PNLDC1: variants seen among roughly 807,000 people sequenced by gnomAD.
PNLDC1 encodes the protein PARN like ribonuclease domain containing exonuclease 1.
A neutral mutation model predicts 82.0 loss-of-function variants in PNLDC1; 70 were observed. The observed-to-expected ratio is 0.85, with a 90% CI of 0.70 to 1.04. The LOEUF (loss-of-function observed/expected upper bound fraction) is 1.04. Ranked by LOEUF, PNLDC1 falls within the 50% of genes least tolerant of loss-of-function variation. The pLI is 0.00. For synonymous variants in PNLDC1, 280 were observed against 249.3 expected (o/e 1.12, Z -1.16); for missense variants, 631 against 661.1 (o/e 0.95, Z 0.50).
chr6:159,807,282 G>A (rs1300787311), intron 7 of PNLDC1, among the ~76,000 whole-genome samples: 1 of 152,078 alleles, frequency 6.6e-6, no homozygotes, highest in African/African-American at 2.4e-5. Flanking sequence ...AGAGCTTGTT[G>A]GCCAGGTACA....
In PNLDC1 at chr6:159,813,593, G is replaced by C. The variant is rs13220869; in HGVS notation, c.940-8G>C. 0.6 allele frequency: 963,612 copies of C among 1,604,886 alleles called. 290,852 individuals are homozygous for C. Among genetic ancestry groups the C allele is most frequent in the Admixed American group, 0.7 (42,255 of 60,006 alleles). ...TGTTTTCCTCTGGTTTGTTTTCCAT[G>C]ATTGTAGGAGATGAATTTCCCGAGG... On this transcript the variant is annotated splice_polypyrimidine_tract_variant and splice_region_variant and intron_variant, in intron 11 of 18. Coordinates refer to ENST00000392167, the MANE Select transcript of PNLDC1 (RefSeq NM_001271862.2).
At chr6:159,808,918 T>G in intron 8 of PNLDC1, 97 bp from the exon 9 acceptor site, 2 of 1,586,228 alleles carry the variant, frequency 1.3e-6, no homozygotes, top group Non-Finnish European at 1.7e-6. Flanking sequence ...ACGCTGCTAG[T>G]TTTTCCCCCT....
At chr6:159,810,001 T>G in intron 9 of PNLDC1, 25 bp from the exon 10 acceptor site, 35 of 1,592,078 alleles carry the variant, frequency 2.2e-5, no homozygotes, top group Non-Finnish European at 3.0e-5. Context: ...TTATTTTCTC[T>G]CACCTGTTGA....
chr6:159,813,234 G>A (rs1562503384), intron 11 of PNLDC1, among the ~76,000 whole-genome samples: 1 of 152,152 alleles, frequency 6.6e-6, no homozygotes, highest in Non-Finnish European at 1.5e-5. Context: ...TAGTAACCAG[G>A]CATTGCCCCA....
rs1340319335 is a variant in PNLDC1, at chr6:159,801,163, A to G, written c.185A>G (p.Gln62Arg). The change falls in exon 3 of 19, where the codon CAG becomes CGG. Residue 62 changes from glutamine (Q) to arginine (R), a missense_variant. Coordinates refer to ENST00000392167, the MANE Select transcript of PNLDC1 (RefSeq NM_001271862.2). ...EWYLKTRQSV[Q>R]QFTVCQIGLS... ...TATCTAAAGACCCGTCAGAGTGTTC[A>G]GCAATTTACAGTCTGTCAGATTGGT... 1.2e-6 allele frequency: 2 copies of G among 1,614,144 alleles called. No individual in the cohort carries two copies. Among genetic ancestry groups the G allele is most frequent in the Middle Eastern group, 1.6e-4 (1 of 6,062 alleles).
At chr6:159,806,158 C>T (rs1390652041) in intron 7 of PNLDC1, 75 bp downstream of exon 7, 1 of 1,140,082 alleles carries the variant, frequency 8.8e-7, no homozygotes, top group African/African-American at 1.5e-5. Flanking sequence ...TTGGGGGAAA[C>T]ACACCCTTTC....
At chr6:159,815,538 G>A (rs571090317) in intron 12 of PNLDC1, among the ~76,000 whole-genome samples, 4 of 152,264 alleles carry the variant, frequency 2.6e-5, no homozygotes, top group South Asian at 2.1e-4. Context: ...GAACTCCATT[G>A]GATCATGTGG....
chr6:159,808,620 C>A (rs1415346728), intron 7 of PNLDC1, 120 bp from the exon 8 acceptor site: 1 of 922,470 alleles, frequency 1.1e-6, no homozygotes, highest in Non-Finnish European at 1.7e-6. Flanking sequence ...CTTGGGCACC[C>A]TTCAAGCTCC....
At position 159,819,311 on chromosome 6, in the gene PNLDC1, C is replaced by CCGCT. The variant is rs1562508483; in HGVS notation, c.1492_1495dup (p.Tyr499SerfsTer60). 6.2e-7 allele frequency: 1 copy of CCGCT among 1,613,954 alleles called. No homozygotes were observed. The highest frequency in any genetic ancestry group is 8.5e-7 in the Non-Finnish European group (1 of 1,180,026). On this transcript the variant is annotated frameshift_variant, in exon 18 of 19. Coordinates refer to ENST00000392167, the MANE Select transcript of PNLDC1 (RefSeq NM_001271862.2). LOFTEE classifies it high-confidence loss of function. This position sits in a 1 kb window ranked among gnomAD's most constrained non-coding sequence, Gnocchi z 4.6. ...ACCCGACCCTGTGCATCTCCCTGTACCGCTACTGGAGGCACTCCCCAAACG... is the reference window on the plus strand; with the variant it reads ...ACCCGACCCTGTGCATCTCCCTGTACCGCTCGCTACTGGAGGCACTCCCCAAACG...
rs919516830 is a variant in PNLDC1, at chr6:159,819,977, T to C, written c.1533-477T>C. Among the ~76,000 whole-genome samples, 8 of 152,160 alleles carry C rather than the reference T, an allele frequency of 5.3e-5. No homozygotes were observed. The highest frequency in any genetic ancestry group is 1.0e-4 in the Non-Finnish European group (7 of 68,018). On this transcript the variant is annotated intron_variant, in intron 18 of 18. Transcript: ENST00000392167. This position sits in a 1 kb window ranked among gnomAD's most constrained non-coding sequence, Gnocchi z 4.6. ...GGTCTATAACCCGACTCAGGTTGTC[T>C]TCCGTGTTGGGGTAGACTGTGGAGG...
intron 13 of PNLDC1, 84 bp downstream of exon 13, chr6:159,816,117 CCCACACCCCTCCCCACCCACCCG>C (rs1781807929): frequency 2.3e-5 from 24 of 1,028,552 alleles, no homozygotes; most frequent in Admixed American, 1.6e-4. Flanking sequence ...CCCTGGTTCC[CCCACACCCCTCCCCACCCACCCG>C]CCACACCCCT....
chr6:159,819,292 C>T lies in PNLDC1; in HGVS notation c.1472C>T (p.Thr491Ile). ...CTGAAGGAGTACCGGGACCACCCGACCCTGTGCATCTCCCTGTACCGCTAC... is the reference window on the plus strand; with the variant it reads ...CTGAAGGAGTACCGGGACCACCCGATCCTGTGCATCTCCCTGTACCGCTAC... ...NILKEYRDHP[T>I]LCISLYRYWR... Residue 491 changes from threonine (T) to isoleucine (I), a missense_variant, in exon 18 of 19, where the codon ACC (threonine) becomes ATC (isoleucine). Coordinates refer to ENST00000392167, the MANE Select transcript of PNLDC1 (RefSeq NM_001271862.2). The surrounding 1 kb of genome is among the most constrained non-coding windows in gnomAD (Gnocchi z 4.6). 6.2e-7 allele frequency: 1 copy of T among 1,613,986 alleles called. No individual in the cohort carries two copies.
intron 10 of PNLDC1, among the ~76,000 whole-genome samples, chr6:159,811,294 CTT>C (rs1781636659): frequency 6.6e-6 from 1 of 152,086 alleles, no homozygotes; most frequent in South Asian, 2.1e-4. Flanking sequence ...CATAAATTTT[CTT>C]TTATCAGGAC....
intron 11 of PNLDC1, among the ~76,000 whole-genome samples, chr6:159,813,301 C>T (rs1203562713): frequency 1.3e-5 from 2 of 152,164 alleles, no homozygotes; most frequent in African/African-American, 2.4e-5. Flanking sequence ...GGCCTTTGTC[C>T]TCGTGCCTTG....
intron 3 of PNLDC1, 80 bp from the exon 4 acceptor site, chr6:159,803,191 G>A (rs977186347): frequency 2.9e-6 from 4 of 1,374,030 alleles, no homozygotes; most frequent in Non-Finnish European, 4.2e-6. Flanking sequence ...GCAAAGTACT[G>A]TTTGAGTTGT....
chr6:159,801,224 G>A (rs777160642), intron 3 of PNLDC1, 38 bp downstream of exon 3: 2 of 1,572,566 alleles, frequency 1.3e-6, no homozygotes, highest in Non-Finnish European at 1.8e-6. Flanking sequence ...TTTCAAGAAG[G>A]TATTTTTATT....
intron 15 of PNLDC1, among the ~76,000 whole-genome samples, chr6:159,817,669 G>T (rs185529102): frequency 6.6e-6 from 1 of 152,210 alleles, no homozygotes; most frequent in Non-Finnish European, 1.5e-5. Flanking sequence ...CCCTGGGCAC[G>T]TAGGCACCAG....
In PNLDC1 at chr6:159,803,962, T is replaced by C. The variant is rs761183301; in HGVS notation, c.249-3T>C. 2.5e-6 allele frequency: 4 copies of C among 1,608,734 alleles called. No individual in the cohort carries two copies. Among genetic ancestry groups the C allele is most frequent in the East Asian group, 2.2e-5 (1 of 44,844 alleles). On this transcript the variant is annotated splice_region_variant and splice_polypyrimidine_tract_variant and intron_variant, in intron 4 of 18. Transcript: ENST00000392167. ...TTTTCTCTGTATGTTTGTTTTATTA[T>C]AGGTATATAGCCCATTCTTGTAACT...
chr6:159,801,920 C>G (rs1781272600), intron 3 of PNLDC1, among the ~76,000 whole-genome samples: 1 of 151,944 alleles, frequency 6.6e-6, no homozygotes, highest in South Asian at 2.1e-4. Flanking sequence ...TGGAGTCTCG[C>G]TCTGTTGCCC....
Sources: gnomAD v4.1 joint callset for allele counts (sites outside exome capture counted in the v4.1 genomes callset) on GRCh38, gnomAD v4.1.1 for gene constraint, Gnocchi (gnomAD v3.1) non-coding constraint, MANE v1.5 for transcripts, NCBI Gene and HGNC (gene_info 2026-07-23, HGNC 2026-07-21) for gene names.